TEX101: variants seen among roughly 807,000 people sequenced by gnomAD.
The protein encoded by TEX101 is testis-expressed protein 101.
Under a neutral mutation model 18.1 loss-of-function variants are expected in TEX101, and 10 were observed. That is an observed-to-expected ratio of 0.55 (90% CI 0.34 to 0.94). The LOEUF (loss-of-function observed/expected upper bound fraction) is 0.94, where lower values mean the gene tolerates loss of function less well. Ranked by LOEUF, TEX101 falls within the 40% of genes least tolerant of loss-of-function variation. The probability of loss-of-function intolerance (pLI) is 0.02; values close to 1 mark genes in which losing one functional copy is unlikely to be tolerated. For synonymous variants in TEX101, 94 were observed against 114.8 expected, an observed-to-expected ratio of 0.82 and a Z score of 1.16; for missense variants, 259 against 298.9, an observed-to-expected ratio of 0.87 and a Z score of 0.98.
chr19:43,418,028 A>G, intron 5 of TEX101, 22 bp downstream of exon 5: 2 of 1,613,940 alleles, frequency 1.2e-6, no homozygotes, highest in South Asian at 1.1e-5. Flanking sequence ...TGAACATCTG[A>G]TAGTTTCAGA....
At chr19:43,415,804 G>C in intron 1 of TEX101, 77 bp from the exon 2 acceptor site, 2 of 1,293,164 alleles carry the variant, frequency 1.5e-6, no homozygotes, top group Non-Finnish European at 2.2e-6. Context: ...CCTGAAGTCA[G>C]TACTTGCCAG....
At chr19:43,411,166 T>A (rs572937255), upstream of TEX101, among the ~76,000 whole-genome samples, 56 of 152,286 alleles carry the variant, frequency 3.7e-4, no homozygotes, top group South Asian at 8.3e-4. Context: ...AGCCTCCACC[T>A]CCCAGGTTCA....
the TEX101 span, among the ~76,000 whole-genome samples, chr19:43,391,775 A>G: frequency 1.3e-5 from 2 of 152,190 alleles, no homozygotes; most frequent in African/African-American, 4.8e-5. Flanking sequence ...GGCCATCGCC[A>G]ACACTGCCGT....
intron 3 of TEX101, among the ~76,000 whole-genome samples, chr19:43,409,035 TAAAGG>T (rs1970396193): frequency 1.3e-5 from 2 of 152,178 alleles, no homozygotes; most frequent in Admixed American, 6.5e-5. Flanking sequence ...ATTGGCTGAC[TAAAGG>T]AAAAACTTCA....
intron 4 of TEX101, among the ~76,000 whole-genome samples, chr19:43,416,969 G>T (rs180690822): frequency 8.0e-5 from 12 of 149,374 alleles, no homozygotes; most frequent in African/African-American, 2.0e-4. Context: ...GGAGGCAGAG[G>T]TTGCAGTGAG....
the TEX101 span, among the ~76,000 whole-genome samples, chr19:43,396,233 T>A: frequency 6.6e-6 from 1 of 152,130 alleles, no homozygotes; most frequent in African/African-American, 2.4e-5. Flanking sequence ...GGGGTCTGAG[T>A]GAGGGGCAAA....
upstream of TEX101, among the ~76,000 whole-genome samples, chr19:43,413,429 G>A (rs569470968): frequency 2.6e-5 from 4 of 151,810 alleles, no homozygotes; most frequent in South Asian, 8.4e-4. Flanking sequence ...ATGAAGTCGG[G>A]AGGCAGAGCT....
intron 4 of TEX101, among the ~76,000 whole-genome samples, 182 bp from the exon 5 acceptor site, chr19:43,417,696 G>T (rs969280775): frequency 6.6e-6 from 1 of 152,200 alleles, no homozygotes; most frequent in Non-Finnish European, 1.5e-5. Flanking sequence ...GCAGAGTTTG[G>T]AAGTCAGATC....
chr19:43,416,496 A>G lies in TEX101; in HGVS notation c.332A>G (p.Asp111Gly), dbSNP rs1364238016. The G allele has an allele frequency of 1.2e-6, 2 of 1,614,126 alleles. No individual in the cohort carries two copies. Among genetic ancestry groups the G allele is most frequent in the Admixed American group, 1.7e-5 (1 of 60,014 alleles). ...IVTSYSNYCE[D>G]SFCNDKDSLS... ...ACCTCCTACAGTAACTACTGTGAGG[A>G]TTCCTTCTGTAATGACAAAGACAGC... Residue 111 changes from aspartate (D) to glycine (G), a missense_variant, in exon 4 of 6, where the codon GAT (aspartate) becomes GGT (glycine). Asp to Gly is a moderately conservative substitution (Grantham distance 94, BLOSUM62 -1). Transcript: ENST00000598265.
At chr19:43,410,159 G>A (rs1214672169), upstream of TEX101, among the ~76,000 whole-genome samples, 1 of 152,168 alleles carries the variant, frequency 6.6e-6, no homozygotes, top group East Asian at 1.9e-4. Context: ...GGTTTGAGAG[G>A]GAACTGGGTG....
the TEX101 span, among the ~76,000 whole-genome samples, chr19:43,390,460 C>CTTTTTTTTTTTTTTGTTTTT: frequency 2.0e-5 from 1 of 49,856 alleles, no homozygotes; most frequent in Admixed American, 3.5e-4. Flanking sequence ...CTTTTTTTTT[C>CTTTTTTTTTTTTTTGTTTTT]TTTTTTTTTT....
chr19:43,389,582 C>T, the TEX101 span, among the ~76,000 whole-genome samples: 55 of 152,228 alleles, frequency 3.6e-4, no homozygotes, highest in African/African-American at 1.3e-3. Context: ...CATGAGGGCC[C>T]TTGGAGCTTG....
intron 2 of TEX101, among the ~76,000 whole-genome samples, chr19:43,405,221 C>T (rs1006994018): frequency 7.9e-5 from 12 of 152,028 alleles, no homozygotes; most frequent in Non-Finnish European, 1.8e-4. Context: ...ATGAATTATG[C>T]GTGCTGGAAT....
At position 43,415,864 on chromosome 19, in the gene TEX101, C is replaced by T. The variant is rs1322143997; in HGVS notation, c.-39-17C>T. On this transcript the variant is annotated splice_polypyrimidine_tract_variant and intron_variant, in intron 1 of 5. Transcript: ENST00000598265. The stretch of plus-strand genomic sequence containing the variant: ...CTGGCTGAAAAGTTAATTGCCTTCT[C>T]TCCATCAAATTCACAGATCCAGACC... 3.7e-6 allele frequency: 6 copies of T among 1,610,644 alleles called. No homozygotes were observed. Among genetic ancestry groups the T allele is most frequent in the Non-Finnish European group, 5.1e-6 (6 of 1,177,304 alleles).
At chr19:43,396,300 T>C in the TEX101 span, among the ~76,000 whole-genome samples, 1 of 152,338 alleles carries the variant, frequency 6.6e-6, no homozygotes, top group East Asian at 1.9e-4. Context: ...CTATTCCTCA[T>C]TGCGCTTCCA....
Position 43,418,338 on chromosome 19 carries a change from G to C in TEX101, c.691G>C (p.Val231Leu). Residue 231 changes from valine to leucine, a missense_variant, in exon 6 of 6, where the codon GTT becomes CTT. Val to Leu is a conservative substitution (Grantham distance 32, BLOSUM62 1). Coordinates refer to ENST00000598265, the MANE Select transcript of TEX101 (RefSeq NM_001130011.3). ...TGGGGCCACCTGTCTTCCCATTCCT[G>C]TTTGGGGGTTACAGCTACTGCTGCC... is the stretch of plus-strand genomic sequence containing the variant. ...ENGATCLPIP[V>L]WGLQLLLPLL... 1 of 1,614,156 alleles carries C rather than the reference G, an allele frequency of 6.2e-7. No homozygotes were observed. The highest frequency in any genetic ancestry group is 1.3e-5 in the African/African-American group (1 of 75,038).
rs34029449 is a variant in TEX101 at position 43,406,081 on chromosome 19, C to CAAAA, written c.-282-125_-282-122dup. ...ACAACATAAGGAGACCCTGTCTCTA[C>CAAAA]AAAAAAAAAAAAAAAAAAAAGCCAG... On this transcript the variant is annotated intron_variant, in intron 2 of 7. Coordinates refer to the TEX101 transcript ENST00000602198. 196 of 58,758 alleles carry CAAAA rather than the reference C, an allele frequency of 3.3e-3. 12 individuals carry two copies. The highest frequency in any genetic ancestry group is 0.033 in the Middle Eastern group (2 of 60). 3.6% of individuals were successfully genotyped at this position (58,758 alleles called of 1,614,324 possible).
upstream of TEX101, among the ~76,000 whole-genome samples, chr19:43,413,658 G>A (rs1469897144): frequency 1.3e-5 from 2 of 151,872 alleles, no homozygotes; most frequent in East Asian, 3.9e-4. Flanking sequence ...GTCACACCTG[G>A]AAAGCTTACA....
upstream of TEX101, among the ~76,000 whole-genome samples, chr19:43,414,219 C>T (rs1245072340): frequency 6.6e-6 from 1 of 152,132 alleles, no homozygotes; most frequent in Non-Finnish European, 1.5e-5. Flanking sequence ...GCAACAAATC[C>T]GAGTGACATG....
Sources: gnomAD v4.1 joint callset for allele counts (sites outside exome capture counted in the v4.1 genomes callset) on GRCh38, gnomAD v4.1.1 for gene constraint, MANE v1.5 for transcripts, NCBI Gene and HGNC (gene_info 2026-07-23, HGNC 2026-07-21) for gene names.